The following KHDRBS2 variants were observed in gnomAD, a reference collection of about 807,000 sequenced individuals.
The protein encoded by KHDRBS2 is KH RNA binding domain containing, signal transduction associated 2.
A neutral mutation model predicts 44.3 loss-of-function variants in KHDRBS2; 26 were observed. The ratio of observed to expected loss-of-function variants is 0.59; its 90% CI spans 0.43 to 0.81. KHDRBS2 has a LOEUF of 0.81. Ranked by LOEUF, KHDRBS2 falls within the 40% of genes least tolerant of loss-of-function variation. The probability of loss-of-function intolerance (pLI) is 0.00; values close to 1 mark genes in which losing one functional copy is unlikely to be tolerated. For missense variants in KHDRBS2, 476 were observed against 433.1 expected (o/e 1.10, Z -0.88); for synonymous variants, 194 against 151.1 (o/e 1.28, Z -2.08).
At chr6:62,097,656 T>G (rs906386431) in intron 2 of KHDRBS2, among the ~76,000 whole-genome samples, 1 of 152,110 alleles carries the variant, frequency 6.6e-6, no homozygotes, top group Non-Finnish European at 1.5e-5. Flanking sequence ...ATTTGGATCT[T>G]GTTTTTTCAA....
At chr6:62,089,224 G>A (rs1799021965) in intron 2 of KHDRBS2, among the ~76,000 whole-genome samples, 1 of 147,020 alleles carries the variant, frequency 6.8e-6, no homozygotes, top group Non-Finnish European at 1.5e-5. Flanking sequence ...TTCCAGGGGA[G>A]TGAACAGTTC....
chr6:62,285,566 C>G (rs9364041), intron 1 of KHDRBS2, among the ~76,000 whole-genome samples: 17,164 of 152,184 alleles, frequency 0.11, 1,272 homozygotes, highest in South Asian at 0.15. Flanking sequence ...CCCTGTAGAC[C>G]GCGTTACATA....
intron 7 of KHDRBS2, among the ~76,000 whole-genome samples, chr6:61,712,710 A>G (rs894295824): frequency 1.1e-4 from 16 of 151,878 alleles, no homozygotes; most frequent in Admixed American, 8.5e-4. Context: ...TAATGTTTAC[A>G]CAGTACTTAA....
intron 1 of KHDRBS2, among the ~76,000 whole-genome samples, chr6:62,238,940 A>C (rs1378042042): frequency 2.6e-5 from 4 of 152,200 alleles, no homozygotes; most frequent in Non-Finnish European, 5.9e-5. Context: ...AATAATGAGA[A>C]AACAATCTAA....
chr6:61,616,059 TAGAC>T, the KHDRBS2 span, among the ~76,000 whole-genome samples: 1 of 152,196 alleles, frequency 6.6e-6, no homozygotes, highest in Non-Finnish European at 1.5e-5. Flanking sequence ...AATCCTGAGT[TAGAC>T]AGATTATAGT....
intron 5 of KHDRBS2, among the ~76,000 whole-genome samples, chr6:61,898,599 G>A (rs1803362943): frequency 6.6e-6 from 1 of 151,860 alleles, no homozygotes; most frequent in Non-Finnish European, 1.5e-5. Flanking sequence ...ACTTTGAGAT[G>A]TCAAAATGTG....
intron 2 of KHDRBS2, among the ~76,000 whole-genome samples, chr6:62,048,971 C>CCTTCT (rs371667237): frequency 5.0e-4 from 75 of 151,420 alleles, no homozygotes; most frequent in African/African-American, 8.2e-4. Flanking sequence ...TTTTCTCTTC[C>CCTTCT]CTTCTCTTCT....
At chr6:61,720,367 T>G (rs1000483963) in intron 7 of KHDRBS2, among the ~76,000 whole-genome samples, 2 of 152,138 alleles carry the variant, frequency 1.3e-5, no homozygotes, top group Non-Finnish European at 2.9e-5. Flanking sequence ...ACTTCCACAA[T>G]GGTTGAACTA....
intron 3 of KHDRBS2, among the ~76,000 whole-genome samples, chr6:61,984,356 T>C (rs964594350): frequency 4.6e-5 from 7 of 152,214 alleles, no homozygotes; most frequent in African/African-American, 1.7e-4. Context: ...GCTTTTTTTG[T>C]GAAATTTCTA....
chr6:62,195,943 C>T (rs1585151175), intron 1 of KHDRBS2, among the ~76,000 whole-genome samples: 1 of 152,058 alleles, frequency 6.6e-6, no homozygotes, highest in Non-Finnish European at 1.5e-5. Context: ...AGAAACATTG[C>T]TTTTAATGTT....
intron 6 of KHDRBS2, among the ~76,000 whole-genome samples, chr6:61,815,114 T>C (rs1326983294): frequency 3.9e-5 from 6 of 151,986 alleles, no homozygotes; most frequent in Admixed American, 1.3e-4. Flanking sequence ...TTCAAATATT[T>C]TCCACCCCAG....
chr6:61,913,958 T>C (rs1806507516), intron 4 of KHDRBS2, among the ~76,000 whole-genome samples: 1 of 152,050 alleles, frequency 6.6e-6, no homozygotes, highest in Admixed American at 6.6e-5. Context: ...AGGCTCTGTA[T>C]CATGGTAGTG....
chr6:61,893,790 C>T (rs561386918), intron 6 of KHDRBS2, among the ~76,000 whole-genome samples: 59 of 152,062 alleles, frequency 3.9e-4, no homozygotes, highest in South Asian at 3.1e-3. Flanking sequence ...AGGAGATATA[C>T]CTAATGTAAA....
chr6:61,837,792 A>G (rs1792951538), intron 6 of KHDRBS2, among the ~76,000 whole-genome samples: 1 of 152,052 alleles, frequency 6.6e-6, no homozygotes, highest in African/African-American at 2.4e-5. Context: ...ACAACTCAGG[A>G]GACCTATATA....
intron 4 of KHDRBS2, among the ~76,000 whole-genome samples, chr6:61,968,344 CCCTACACCTA>C (rs1464366421): frequency 6.6e-6 from 1 of 151,788 alleles, no homozygotes; most frequent in East Asian, 1.9e-4. Flanking sequence ...ATGTTCATGC[CCCTACACCTA>C]CCACAGTTCT....
intron 2 of KHDRBS2, among the ~76,000 whole-genome samples, chr6:62,094,547 C>A (rs1441335944): frequency 6.6e-6 from 1 of 151,250 alleles, no homozygotes; most frequent in African/African-American, 2.4e-5. Context: ...TGATGTAATC[C>A]CATTTGTTTG....
At chr6:62,072,192 G>C (rs1164143002) in intron 2 of KHDRBS2, among the ~76,000 whole-genome samples, 2 of 152,138 alleles carry the variant, frequency 1.3e-5, no homozygotes, top group African/African-American at 4.8e-5. Context: ...CATTGATTTT[G>C]TATCCTGAGA....
At chr6:61,969,149 C>T (rs1182214364) in intron 4 of KHDRBS2, among the ~76,000 whole-genome samples, 1 of 151,886 alleles carries the variant, frequency 6.6e-6, no homozygotes, top group Non-Finnish European at 1.5e-5. Context: ...GCAAGGGTAG[C>T]AAGTTTATCT....
intron 1 of KHDRBS2, among the ~76,000 whole-genome samples, chr6:62,180,972 A>G (rs554347213): frequency 8.9e-4 from 135 of 151,904 alleles, no homozygotes; most frequent in African/African-American, 3.2e-3. Context: ...AGTGTTGAGA[A>G]AACTGGATGT....
Sources: gnomAD v4.1 joint callset for allele counts (sites outside exome capture counted in the v4.1 genomes callset) on GRCh38, gnomAD v4.1.1 for gene constraint, MANE v1.5 for transcripts, NCBI Gene and HGNC (gene_info 2026-07-23, HGNC 2026-07-21) for gene names.